Variants in FOXP2 observed in about 807,000 individuals in gnomAD.
The protein encoded by FOXP2 is forkhead box protein P2.
Under a neutral mutation model 115.8 loss-of-function variants are expected in FOXP2, and 12 were observed. The observed-to-expected ratio is 0.10, with a 90% CI of 0.07 to 0.17. FOXP2 has a LOEUF of 0.17. Ranked by LOEUF, FOXP2 falls within the 10% of genes least tolerant of loss-of-function variation. The pLI, the probability that FOXP2 is intolerant of heterozygous loss-of-function variation, is 1.00. For synonymous variants in FOXP2, 328 were observed against 297.7 expected, an observed-to-expected ratio of 1.10 and a Z score of -1.05; for missense variants, 629 against 843.5, an observed-to-expected ratio of 0.75 and a Z score of 3.15.
chr7:114,347,264 A>C (rs1225966727), intron 2 of FOXP2, among the ~76,000 whole-genome samples: 1 of 151,988 alleles, frequency 6.6e-6, no homozygotes, highest in South Asian at 2.1e-4. Context: ...TTTGAAGGAT[A>C]AGGTACATGT....
At chr7:114,317,216 G>T (rs1306292913) in intron 2 of FOXP2, among the ~76,000 whole-genome samples, 9 of 152,160 alleles carry the variant, frequency 5.9e-5, no homozygotes, top group Non-Finnish European at 8.8e-5. Flanking sequence ...AATTCTTGCA[G>T]TTGTCCCAAT....
chr7:114,683,681 G>A (rs542657454), intron 16 of FOXP2, among the ~76,000 whole-genome samples: 14 of 152,274 alleles, frequency 9.2e-5, no homozygotes, highest in Admixed American at 9.2e-4. Flanking sequence ...TGAATAGGCA[G>A]AACAGGGTAG....
intron 2 of FOXP2, among the ~76,000 whole-genome samples, chr7:114,519,148 G>A (rs756806515): frequency 3.3e-5 from 5 of 152,130 alleles, no homozygotes; most frequent in African/African-American, 4.8e-5. Context: ...GCATAGCTAA[G>A]ATCTTTAAAA....
chr7:114,344,482 C>T (rs1791292357), intron 2 of FOXP2, among the ~76,000 whole-genome samples: 1 of 151,810 alleles, frequency 6.6e-6, no homozygotes, highest in African/African-American at 2.4e-5. Context: ...GACGTTTCCA[C>T]ATTGTATTAG....
chr7:114,429,293 T>G (rs1794002286), intron 2 of FOXP2, among the ~76,000 whole-genome samples: 2 of 151,506 alleles, frequency 1.3e-5, no homozygotes, highest in East Asian at 3.9e-4. Flanking sequence ...TTCTGAAAGC[T>G]AGGATATCTT....
At chr7:114,405,324 C>T (rs1159398975) in intron 2 of FOXP2, among the ~76,000 whole-genome samples, 1 of 151,894 alleles carries the variant, frequency 6.6e-6, no homozygotes, top group Non-Finnish European at 1.5e-5. Context: ...AACGATTTCA[C>T]ACTGCCCTTA....
intron 2 of FOXP2, among the ~76,000 whole-genome samples, chr7:114,363,273 T>G (rs1034544355): frequency 6.6e-6 from 1 of 152,070 alleles, no homozygotes; most frequent in Non-Finnish European, 1.5e-5. Flanking sequence ...TTAATTACAA[T>G]GAAAGATAAA....
chr7:114,374,213 T>C (rs1179970405), intron 2 of FOXP2, among the ~76,000 whole-genome samples: 5 of 152,220 alleles, frequency 3.3e-5, no homozygotes, highest in Admixed American at 3.3e-4. Flanking sequence ...TTCTGTATCT[T>C]AGGTGATGGT....
Position 114,196,246 on chromosome 7 carries a change from G to A in FOXP2, c.-102+33158G>A, listed in dbSNP as rs144265374. Among the ~76,000 whole-genome samples the A allele has an allele frequency of 9.2e-5, 14 of 151,954 alleles. No homozygotes were observed. In the East Asian group the frequency reaches 2.3e-3, roughly 25 times the overall value. ...AGGATAGTCTCCATCTCTTGACCTC[G>A]TGATTTGCCCACCTCGGCCTTCCAA... On this transcript the variant is annotated intron_variant, in intron 1 of 17. Coordinates refer to the FOXP2 transcript ENST00000634411.
At chr7:114,140,985 A>T (rs1386702092) in intron 1 of FOXP2, among the ~76,000 whole-genome samples, 1 of 152,208 alleles carries the variant, frequency 6.6e-6, no homozygotes, top group Non-Finnish European at 1.5e-5. Context: ...ACAACAGATA[A>T]TTTTATGATT....
intron 2 of FOXP2, among the ~76,000 whole-genome samples, chr7:114,363,976 CCTT>C (rs1458305965): frequency 4.6e-5 from 7 of 152,064 alleles, no homozygotes; most frequent in African/African-American, 1.4e-4. Context: ...TAATTCAAGT[CCTT>C]CTTTTTAAGA....
At chr7:114,491,639 A>G (rs1286354511) in intron 2 of FOXP2, among the ~76,000 whole-genome samples, 2 of 151,934 alleles carry the variant, frequency 1.3e-5, no homozygotes, top group South Asian at 2.1e-4. Context: ...TATGGTTTTA[A>G]GTCTAACATT....
At chr7:114,479,700 C>T (rs1290331967) in intron 2 of FOXP2, among the ~76,000 whole-genome samples, 1 of 151,470 alleles carries the variant, frequency 6.6e-6, no homozygotes, top group East Asian at 1.9e-4. Flanking sequence ...TGTAAGTATA[C>T]ATTTAAACAC....
At chr7:114,549,202 A>G (rs1786523903) in intron 3 of FOXP2, among the ~76,000 whole-genome samples, 1 of 152,150 alleles carries the variant, frequency 6.6e-6, no homozygotes, top group East Asian at 1.9e-4. Context: ...GTGATCATTC[A>G]TTTTGTTCCC....
chr7:114,289,235 TTTGGCA>T (rs1231886156), intron 2 of FOXP2, among the ~76,000 whole-genome samples: 1 of 151,914 alleles, frequency 6.6e-6, no homozygotes, highest in African/African-American at 2.4e-5. Flanking sequence ...TTCAAAGCCC[TTTGGCA>T]ACCTTTTACT....
intron 2 of FOXP2, among the ~76,000 whole-genome samples, chr7:114,430,929 C>A (rs1794079012): frequency 6.6e-6 from 1 of 151,876 alleles, no homozygotes; most frequent in Non-Finnish European, 1.5e-5. Context: ...TGGTAATAAG[C>A]ATTTATGTAA....
chr7:114,255,455 G>A (rs1795584196), intron 1 of FOXP2, among the ~76,000 whole-genome samples: 1 of 152,154 alleles, frequency 6.6e-6, no homozygotes, highest in African/African-American at 2.4e-5. Flanking sequence ...GGAGCTTCTG[G>A]GCTGCTTCGT....
At chr7:114,522,235 G>A (rs931653209) in intron 2 of FOXP2, among the ~76,000 whole-genome samples, 2 of 152,096 alleles carry the variant, frequency 1.3e-5, no homozygotes, top group Non-Finnish European at 2.9e-5. Context: ...TTCCTGGTTT[G>A]GGATTTTATA....
At chr7:114,661,341 T>G (rs912028944) in intron 13 of FOXP2, among the ~76,000 whole-genome samples, 1 of 152,082 alleles carries the variant, frequency 6.6e-6, no homozygotes, top group Non-Finnish European at 1.5e-5. Context: ...TTTAAAAATG[T>G]TAATTTTGAG....
Sources: gnomAD v4.1 joint callset for allele counts (sites outside exome capture counted in the v4.1 genomes callset) on GRCh38, gnomAD v4.1.1 for gene constraint, MANE v1.5 for transcripts, NCBI Gene and HGNC (gene_info 2026-07-23, HGNC 2026-07-21) for gene names.